Variants in EWSR1 observed in about 807,000 individuals in gnomAD.
EWSR1 encodes EWS RNA binding protein 1, also known as RNA-binding protein EWS.
Under a neutral mutation model 92.1 loss-of-function variants are expected in EWSR1, and 14 were observed. The observed-to-expected ratio is 0.15, with a 90% CI of 0.10 to 0.24. The LOEUF is 0.24. Among genes scored for constraint, EWSR1 ranks in the 10% least tolerant of loss-of-function variants. The pLI is 1.00. For missense variants in EWSR1, 637 were observed against 870.9 expected, an observed-to-expected ratio of 0.73 and a Z score of 3.38; for synonymous variants, 303 against 292.9, an observed-to-expected ratio of 1.03 and a Z score of -0.35.
At chr22:29,281,828 G>A (rs1019400805) in intron 5 of EWSR1, among the ~76,000 whole-genome samples, 2 of 149,422 alleles carry the variant, frequency 1.3e-5, no homozygotes, top group Non-Finnish European at 1.5e-5. Flanking sequence ...CTCGTGATCC[G>A]CCCTCCTCGG....
chr22:29,291,632 T>A, intron 9 of EWSR1, 33 bp downstream of exon 9: 6 of 1,558,198 alleles, frequency 3.9e-6, no homozygotes, highest in East Asian at 2.3e-5. Flanking sequence ...AGATAGTGTT[T>A]AAAAAAAAAT....
intron 11 of EWSR1, among the ~76,000 whole-genome samples, chr22:29,293,901 CAG>C (rs924132537): frequency 6.6e-6 from 1 of 152,040 alleles, no homozygotes; most frequent in African/African-American, 2.4e-5. Flanking sequence ...TACTTTGAGA[CAG>C]AGTCTCACTC....
intron 4 of EWSR1, chr22:29,276,253 T>TA (rs1393900519): frequency 8.7e-6 from 2 of 230,256 alleles, no homozygotes; most frequent in African/African-American, 2.2e-5. Flanking sequence ...ATGAATGCCT[T>TA]ATGTGGTTGA....
chr22:29,291,360 T>A (rs1429755515), intron 8 of EWSR1: 1 of 529,572 alleles, frequency 1.9e-6, no homozygotes, highest in Non-Finnish European at 3.4e-6. Context: ...CACACTGGTG[T>A]GTACAATCAG....
Position 29,298,714 on chromosome 22 carries a change from C to G in EWSR1, c.1418-19C>G, listed in dbSNP as rs1319232461. On this transcript the variant is annotated intron_variant, in intron 13 of 16. Transcript: ENST00000397938. ...GCTACAGAGAAATGATTTGCTGTTT[C>G]TTGTTGTTCTTGTTGTAGGTCCAGG... 1.2e-6 allele frequency: 2 copies of G among 1,611,820 alleles called. No individual in the cohort carries two copies. The highest frequency in any genetic ancestry group is 8.5e-7 in the Non-Finnish European group (1 of 1,179,264).
At chr22:29,296,470 C>G (rs1349669901) in intron 12 of EWSR1, 102 bp downstream of exon 12, 17 of 1,428,724 alleles carry the variant, frequency 1.2e-5, no homozygotes, top group Non-Finnish European at 1.6e-5. Flanking sequence ...CCATCTCTTC[C>G]TGGGGGAGGT....
chr22:29,298,944 T>C (rs2061111826), intron 14 of EWSR1, 49 bp downstream of exon 14: 4 of 1,501,922 alleles, frequency 2.7e-6, no homozygotes, highest in Non-Finnish European at 3.5e-6. Flanking sequence ...AAGCCACCCT[T>C]CCCTCACCCC....
rs1602548121 is a variant in EWSR1 at position 29,296,158 on chromosome 22, CT to C, written c.1165-77del. 5.6e-6 allele frequency: 8 copies of C among 1,440,642 alleles called. 1 individual carries two copies. In the East Asian group the frequency reaches 1.4e-4, roughly 25 times the overall value. 89.2% of individuals were successfully genotyped at this position (1,440,642 alleles called of 1,614,324 possible). On this transcript the variant is annotated intron_variant, in intron 11 of 16. Transcript: ENST00000397938. Reference sequence around the variant, plus strand: ...ACTTACTACATGTGAGAAATTGGTACTTTTCCTGGATTTTGCCTGGACTTTT... The same window carrying C: ...ACTTACTACATGTGAGAAATTGGTACTTTCCTGGATTTTGCCTGGACTTTT...
At chr22:29,290,525 G>A in intron 8 of EWSR1, 1 of 1,598,952 alleles carries the variant, frequency 6.3e-7, no homozygotes, top group Non-Finnish European at 8.5e-7. Flanking sequence ...ATATGGAGAG[G>A]AAAAATATAC....
chr22:29,273,401 T>C (rs1280040495), intron 3 of EWSR1, among the ~76,000 whole-genome samples: 1 of 152,234 alleles, frequency 6.6e-6, no homozygotes, highest in Non-Finnish European at 1.5e-5. Context: ...TGTGCCCTTA[T>C]TGCTCTTCCC....
intron 4 of EWSR1, chr22:29,274,473 G>A: frequency 1.8e-6 from 1 of 555,338 alleles, no homozygotes; most frequent in Non-Finnish European, 3.2e-6. Flanking sequence ...ATGATTTTGG[G>A]AAAGGTTTTT....
At chr22:29,296,440 C>T in intron 12 of EWSR1, 72 bp downstream of exon 12, 2 of 1,571,502 alleles carry the variant, frequency 1.3e-6, no homozygotes, top group Non-Finnish European at 1.7e-6. Flanking sequence ...ACTTGTGAAC[C>T]ATAGGAGCAA....
At chr22:29,295,101 T>C (rs183590049) in intron 11 of EWSR1, among the ~76,000 whole-genome samples, 22 of 152,052 alleles carry the variant, frequency 1.4e-4, no homozygotes, top group African/African-American at 4.8e-4. Flanking sequence ...AGTCTTGCTC[T>C]GTTGCCCAGA....
chr22:29,273,906 G>C (rs1402958715), intron 4 of EWSR1, 42 bp downstream of exon 4: 4 of 1,610,358 alleles, frequency 2.5e-6, no homozygotes, highest in Non-Finnish European at 3.4e-6. Context: ...GTTCTGGCTA[G>C]GGCATTGGCT....
intron 11 of EWSR1, 97 bp downstream of exon 11, chr22:29,292,703 C>T (rs2060526231): frequency 2.8e-6 from 2 of 712,514 alleles, no homozygotes; most frequent in South Asian, 2.3e-5. Flanking sequence ...TCTAAGGTTG[C>T]CTTTGCCTGA....
chr22:29,294,226 A>AAC (rs2060663223), intron 11 of EWSR1, among the ~76,000 whole-genome samples: 1 of 152,084 alleles, frequency 6.6e-6, no homozygotes, highest in South Asian at 2.1e-4. Context: ...TACTAGTTTT[A>AAC]CTTCTAGGTT....
At chr22:29,269,685 G>GGGATACCAAAGAGT (rs149438140) in intron 1 of EWSR1, 52 of 152,254 alleles carry the variant, frequency 3.4e-4, no homozygotes, top group African/African-American at 7.2e-4. Context: ...TGTTCGTGCC[G>GGGATACCAAAGAGT]GGATACCAAA....
chr22:29,299,872 G>T, intron 16 of EWSR1, 21 bp downstream of exon 16: 1 of 1,532,610 alleles, frequency 6.5e-7, no homozygotes. Context: ...GTGAAAAGCA[G>T]CTGTGGGCCG....
At chr22:29,274,950 T>C (rs3788410) in intron 4 of EWSR1, among the ~76,000 whole-genome samples, 51,751 of 152,128 alleles carry the variant, frequency 0.34, 9,834 homozygotes, top group Admixed American at 0.48. Flanking sequence ...AGAGCTCTTA[T>C]TTTCAAACTG....
Sources: allele counts gnomAD v4.1 joint callset (sites outside exome capture counted in the v4.1 genomes callset), GRCh38; gene constraint gnomAD v4.1.1; transcripts MANE v1.5; gene names NCBI Gene and HGNC (gene_info 2026-07-23, HGNC 2026-07-21).